KAZN: variants seen among roughly 807,000 people sequenced by gnomAD.
KAZN encodes the protein kazrin.
KAZN carries 40 observed loss-of-function variants against 87.4 expected under a neutral mutation model. That is an observed-to-expected ratio of 0.46 (90% CI 0.36 to 0.60). The LOEUF is 0.60. Among genes scored for constraint, KAZN ranks in the 20% least tolerant of loss-of-function variants. The probability of loss-of-function intolerance (pLI) is 0.00; values close to 1 mark genes in which losing one functional copy is unlikely to be tolerated. For missense variants in KAZN, 898 were observed against 1,073.9 expected, an observed-to-expected ratio of 0.84 and a Z score of 2.29; for synonymous variants, 466 against 458.3, an observed-to-expected ratio of 1.02 and a Z score of -0.22.
intron 2 of KAZN, among the ~76,000 whole-genome samples, chr1:14,507,740 C>T (rs569595786): frequency 7.4e-4 from 112 of 152,236 alleles, no homozygotes; most frequent in Non-Finnish European, 1.2e-3. Context: ...CAATTACATC[C>T]ATGGGCACCT....
At chr1:14,775,672 T>A (rs1000221054) in intron 1 of KAZN, among the ~76,000 whole-genome samples, 2 of 152,218 alleles carry the variant, frequency 1.3e-5, no homozygotes, top group East Asian at 1.9e-4. Flanking sequence ...GCCATGCTGC[T>A]CATCACATTT....
intron 1 of KAZN, among the ~76,000 whole-genome samples, chr1:14,935,675 TCCCTCTC>T (rs1221510843): frequency 6.6e-6 from 1 of 152,054 alleles, no homozygotes; most frequent in African/African-American, 2.4e-5. Flanking sequence ...CCTCTCTCCC[TCCCTCTC>T]CCCTCTCCCT....
chr1:14,868,165 G>A (rs1170620949), intron 1 of KAZN, among the ~76,000 whole-genome samples: 2 of 151,948 alleles, frequency 1.3e-5, no homozygotes, highest in African/African-American at 4.8e-5. Flanking sequence ...TCGCATAGGC[G>A]GGCATCGCAT....
intron 1 of KAZN, among the ~76,000 whole-genome samples, chr1:14,142,702 T>C (rs539619116): frequency 6.6e-6 from 1 of 152,366 alleles, no homozygotes; most frequent in South Asian, 2.1e-4. Flanking sequence ...TTCATTTTCA[T>C]GGACATGGTC....
chr1:15,029,315 G>A (rs557443731), intron 2 of KAZN, among the ~76,000 whole-genome samples: 1 of 152,334 alleles, frequency 6.6e-6, no homozygotes, highest in African/African-American at 2.4e-5. Context: ...CCTCACAGCA[G>A]CAAGCCTGGC....
At chr1:13,972,838 G>A (rs1020798992) in intron 1 of KAZN, among the ~76,000 whole-genome samples, 7 of 152,118 alleles carry the variant, frequency 4.6e-5, no homozygotes, top group Admixed American at 4.6e-4. Flanking sequence ...GTAAAATTAA[G>A]GTTTTGACTA....
At chr1:14,896,041 C>CTTTTTTTTTTTTTTTTTT (rs201188620) in intron 1 of KAZN, among the ~76,000 whole-genome samples, 4 of 140,716 alleles carry the variant, frequency 2.8e-5, no homozygotes, top group African/African-American at 1.1e-4. Context: ...AAAAAGACGC[C>CTTTTTTTTTTTTTTTTTT]TTTTTTTTTT....
chr1:14,495,124 G>A (rs1423086865), intron 2 of KAZN, among the ~76,000 whole-genome samples: 2 of 152,192 alleles, frequency 1.3e-5, no homozygotes, highest in South Asian at 2.1e-4. Context: ...CTCCCAGAAC[G>A]GTATGCATCA....
intron 2 of KAZN, among the ~76,000 whole-genome samples, chr1:14,402,476 A>T (rs1281587949): frequency 2.0e-5 from 3 of 152,148 alleles, no homozygotes; most frequent in Non-Finnish European, 2.9e-5. Flanking sequence ...AAAGAGCATA[A>T]AGGACTCAAG....
At chr1:14,111,314 T>C (rs1351753459) in intron 1 of KAZN, among the ~76,000 whole-genome samples, 1 of 133,432 alleles carries the variant, frequency 7.5e-6, no homozygotes, top group Non-Finnish European at 1.6e-5. Context: ...GAGCAAGGGG[T>C]GGGCAGGAAG....
chr1:14,596,833 A>G (rs773705731), upstream of KAZN, among the ~76,000 whole-genome samples: 1 of 152,204 alleles, frequency 6.6e-6, no homozygotes, highest in Non-Finnish European at 1.5e-5. Flanking sequence ...TGTTCATCCA[A>G]TCATCTGTTG....
rs778638636 is a variant in KAZN at position 15,094,157 on chromosome 1, T to C, written c.1223-23T>C. 2.5e-6 allele frequency: 4 copies of C among 1,606,936 alleles called. No homozygotes were observed. Among genetic ancestry groups the C allele is most frequent in the African/African-American group, 1.3e-5 (1 of 74,912 alleles). On this transcript the variant is annotated intron_variant, in intron 8 of 14. Coordinates refer to ENST00000376030, the MANE Select transcript of KAZN (RefSeq NM_201628.3). This position sits in a 1 kb window ranked among gnomAD's most constrained non-coding sequence, Gnocchi z 4.5. ...CCCCCAGCAGCCTCGTCCCCCAGCA[T>C]GGCCTGCACTTGTGTGTTGCAGACT...
At chr1:14,501,698 T>C (rs1670262673) in intron 2 of KAZN, among the ~76,000 whole-genome samples, 1 of 152,140 alleles carries the variant, frequency 6.6e-6, no homozygotes, top group Non-Finnish European at 1.5e-5. Context: ...AGAGTTAATA[T>C]TGATAAATGG....
intron 2 of KAZN, among the ~76,000 whole-genome samples, chr1:14,559,513 A>G (rs991749948): frequency 6.6e-6 from 1 of 152,210 alleles, no homozygotes; most frequent in African/African-American, 2.4e-5. Flanking sequence ...CAGTTGCTCC[A>G]TCTTTAAAAT....
chr1:14,559,341 GA>G (rs1674113300), intron 2 of KAZN, among the ~76,000 whole-genome samples: 1 of 152,146 alleles, frequency 6.6e-6, no homozygotes, highest in Non-Finnish European at 1.5e-5. Context: ...CAGAAGAAAA[GA>G]AATGCCTAGT....
chr1:14,420,294 A>G (rs1428801348), intron 2 of KAZN, among the ~76,000 whole-genome samples: 1 of 152,162 alleles, frequency 6.6e-6, no homozygotes, highest in East Asian at 1.9e-4. Context: ...AGCTAGATAC[A>G]GAGTGCTGAT....
At chr1:14,785,329 G>A (rs1304592732) in intron 1 of KAZN, among the ~76,000 whole-genome samples, 2 of 152,090 alleles carry the variant, frequency 1.3e-5, no homozygotes, top group Admixed American at 6.6e-5. Flanking sequence ...CTCAGTTCAG[G>A]CTTTTGAGAG....
In KAZN at chr1:15,112,541, G is replaced by A; in HGVS notation, c.2163G>A (p.Arg721=). The part of the protein sequence containing the change: ...NSSGLKYKAG[R]LPLGKIGRGF... ...GCGGTCTCAAGTACAAGGCTGGCCG[G>A]GTAAGTCTCTCAATGGATTTACCTG... Residue 721 remains arginine, a splice_region_variant and synonymous_variant, in exon 14 of 15, where the codon CGG becomes CGA. Coordinates refer to ENST00000376030, the MANE Select transcript of KAZN (RefSeq NM_201628.3). 6.3e-7 allele frequency: 1 copy of A among 1,595,866 alleles called. No individual in the cohort carries two copies. Among genetic ancestry groups the A allele is most frequent in the Non-Finnish European group, 8.5e-7 (1 of 1,170,504 alleles).
chr1:14,749,142 G>A (rs569697787), intron 1 of KAZN, among the ~76,000 whole-genome samples: 11 of 152,214 alleles, frequency 7.2e-5, no homozygotes, highest in East Asian at 3.9e-4. Context: ...ATTGCTTCCC[G>A]CAGCAGACAT....
Sources: gnomAD v4.1 joint callset for allele counts (sites outside exome capture counted in the v4.1 genomes callset) on GRCh38, gnomAD v4.1.1 for gene constraint, Gnocchi (gnomAD v3.1) non-coding constraint, MANE v1.5 for transcripts, NCBI Gene and HGNC (gene_info 2026-07-23, HGNC 2026-07-21) for gene names.